ARHGAP8: variants seen among roughly 807,000 people sequenced by gnomAD.
ARHGAP8 encodes the protein rho GTPase-activating protein 8.
A neutral mutation model predicts 46.1 loss-of-function variants in ARHGAP8; 62 were observed. The observed-to-expected ratio is 1.34, with a 90% CI of 1.10 to 1.66. The LOEUF is 1.66. Among genes scored for constraint, ARHGAP8 ranks in the 40% most tolerant of loss-of-function variants. The pLI, the probability that ARHGAP8 is intolerant of heterozygous loss-of-function variation, is 0.00. For synonymous variants in ARHGAP8, 375 were observed against 243.1 expected (o/e 1.54, Z -5.05); for missense variants, 923 against 568.4 (o/e 1.62, Z -6.34).
chr22:44,834,304 T>C (rs1181591792), intron 7 of ARHGAP8, among the ~76,000 whole-genome samples: 1 of 152,182 alleles, frequency 6.6e-6, no homozygotes, highest in Non-Finnish European at 1.5e-5. Flanking sequence ...CTGCAATAGA[T>C]GTATCTGTTA....
At position 44,838,140 on chromosome 22, in the gene ARHGAP8, A is replaced by ATTTTTTTTTTTTTTTTTT. The variant is rs61131873; in HGVS notation, c.597-7115_597-7114insTTTTTTTTTTTTTTTTTT. 1.2e-3 allele frequency among the ~76,000 whole-genome samples: 175 copies of ATTTTTTTTTTTTTTTTTT among 143,474 alleles called. 1 individual carries two copies. Among genetic ancestry groups the ATTTTTTTTTTTTTTTTTT allele is most frequent in the African/African-American group, 4.4e-3 (170 of 38,666 alleles). 94.1% of individuals were successfully genotyped at this position (143,474 alleles called of 152,430 possible). On this transcript the variant is annotated intron_variant, in intron 7 of 11. Transcript: ENST00000356099. ...AGGAGTGCGCCACCATGCCTGGCTA[A>ATTTTTTTTTTTTTTTTTT]TTTTTTTTTTTTTTGAAGACGGAGT...
Position 44,854,089 on chromosome 22 carries a change from T to C in ARHGAP8, c.877+5029T>C, listed in dbSNP as rs192036756. 2.1e-5 allele frequency among the ~76,000 whole-genome samples: 3 copies of C among 145,244 alleles called. No homozygotes were observed. In the East Asian group the frequency reaches 6.0e-4, roughly 29 times the overall value. On this transcript the variant is annotated intron_variant, in intron 10 of 11. Coordinates refer to ENST00000356099, the MANE Select transcript of ARHGAP8 (RefSeq NM_181335.3). Reference sequence around the variant, plus strand: ...CATCAGACTTTGCCTGCAGTATCTGTAGATTTGAGAGAATTCCTCTCTTCT... The same window carrying C: ...CATCAGACTTTGCCTGCAGTATCTGCAGATTTGAGAGAATTCCTCTCTTCT...
chr22:44,801,050 A>G lies in ARHGAP8; in HGVS notation c.80-1027A>G, dbSNP rs574397618. On this transcript the variant is annotated intron_variant, in intron 2 of 11. Transcript: ENST00000356099. ...CCTCTCCCCGCAGCTGTGTGGGGGC[A>G]CCTCTCCCCGCAGCTGTCCATGTGT... 3.0e-3 allele frequency among the ~76,000 whole-genome samples: 110 copies of G among 37,076 alleles called. 19 individuals carry two copies. Among genetic ancestry groups the G allele is most frequent in the Non-Finnish European group, 4.0e-3 (79 of 19,564 alleles). The allele number at this position is 37,076 out of a possible 152,430, so 24.3% of individuals were successfully genotyped here. A position where few individuals can be genotyped will look rare whatever the true frequency, so the allele number is the denominator to read the frequency against.
At chr22:44,842,705 G>T (rs1424181201) in intron 7 of ARHGAP8, among the ~76,000 whole-genome samples, 2 of 152,226 alleles carry the variant, frequency 1.3e-5, no homozygotes, top group South Asian at 2.1e-4. Context: ...TGGCTTCCTT[G>T]GGGGCCACCA....
intron 7 of ARHGAP8, among the ~76,000 whole-genome samples, chr22:44,837,291 G>C (rs1824106843): frequency 1.3e-5 from 2 of 152,204 alleles, no homozygotes; most frequent in Admixed American, 6.5e-5. Context: ...CTCCCGAGGG[G>C]AGGGGTACAA....
intron 4 of ARHGAP8, among the ~76,000 whole-genome samples, chr22:44,813,161 G>T (rs188371414): frequency 1.3e-5 from 2 of 152,070 alleles, no homozygotes; most frequent in African/African-American, 2.4e-5. Flanking sequence ...CTGGACAAGC[G>T]GAGTGCTTGT....
At chr22:44,860,009 G>A (rs556169227) in intron 11 of ARHGAP8, among the ~76,000 whole-genome samples, 175 bp downstream of exon 11, 1 of 110,554 alleles carries the variant, frequency 9.0e-6, no homozygotes, top group East Asian at 3.0e-4. Flanking sequence ...AGGCACCCAT[G>A]CTGCTGCGGA....
At chr22:44,856,421 C>T (rs1284054203) in intron 10 of ARHGAP8, among the ~76,000 whole-genome samples, 1 of 151,920 alleles carries the variant, frequency 6.6e-6, no homozygotes, top group African/African-American at 2.4e-5. Flanking sequence ...TTACAGGCAC[C>T]CGCCACCACG....
chr22:44,789,571 C>T (rs1448538148), intron 2 of ARHGAP8, among the ~76,000 whole-genome samples: 1 of 152,152 alleles, frequency 6.6e-6, no homozygotes, highest in Non-Finnish European at 1.5e-5. Context: ...TGTCTCGGCT[C>T]ACTACAGCCT....
intron 10 of ARHGAP8, among the ~76,000 whole-genome samples, chr22:44,853,949 C>T (rs563345623): frequency 1.1e-4 from 16 of 143,608 alleles, no homozygotes; most frequent in Admixed American, 5.9e-4. Flanking sequence ...ATCGCTTGAA[C>T]CCGGGAGGCA....
intron 11 of ARHGAP8, among the ~76,000 whole-genome samples, chr22:44,861,487 C>T (rs1028400276): frequency 3.3e-5 from 5 of 152,140 alleles, no homozygotes; most frequent in African/African-American, 1.2e-4. Context: ...GCCTGAAAGG[C>T]ATCCAGCCAT....
chr22:44,856,900 C>T lies in ARHGAP8; in HGVS notation c.878-2831C>T, dbSNP rs1052150837. On this transcript the variant is annotated intron_variant, in intron 10 of 11. Transcript: ENST00000356099. ...GAGACTTTGACCACCCTCACACAGT[C>T]GCGCTGCAGACAGAAATCTGGGAGG... is the stretch of plus-strand genomic sequence containing the variant. Among the ~76,000 whole-genome samples the T allele has an allele frequency of 4.9e-5, 7 of 142,974 alleles. 1 individual carries two copies. The highest frequency in any genetic ancestry group is 1.1e-4 in the Non-Finnish European group (7 of 66,578). The allele number at this position is 142,974 out of a possible 152,430, so 93.8% of individuals were successfully genotyped here.
rs1368207421 is a variant in ARHGAP8, at chr22:44,816,739, A to G, written c.386+1981A>G. Among the ~76,000 whole-genome samples, 3 of 148,034 alleles carry G rather than the reference A, an allele frequency of 2.0e-5. No individual in the cohort carries two copies. The East Asian group carries it at 6.0e-4, about 30-fold the overall frequency. ...AGGATTGCTTGAGTCCAGGACTTCA[A>G]GGCTGCAGTGGCTTGTGTTTGTGCC... On this transcript the variant is annotated intron_variant, in intron 5 of 11. Coordinates refer to ENST00000356099, the MANE Select transcript of ARHGAP8 (RefSeq NM_181335.3).
chr22:44,753,650 G>A (rs1310266375), intron 1 of ARHGAP8, among the ~76,000 whole-genome samples: 1 of 152,144 alleles, frequency 6.6e-6, no homozygotes, highest in African/African-American at 2.4e-5. Flanking sequence ...CTCGGGCTCT[G>A]CCACACCCTG....
intron 10 of ARHGAP8, among the ~76,000 whole-genome samples, chr22:44,852,061 G>T (rs1273370804): frequency 6.6e-6 from 1 of 151,362 alleles, no homozygotes; most frequent in Non-Finnish European, 1.5e-5. Context: ...CGTGGTGGTG[G>T]ACACCTGTAA....
intron 7 of ARHGAP8, among the ~76,000 whole-genome samples, chr22:44,837,775 TG>T (rs1386470262): frequency 6.6e-6 from 1 of 152,108 alleles, no homozygotes; most frequent in African/African-American, 2.4e-5. Context: ...GCCGGGGCCC[TG>T]TTCTTCCGCT....
chr22:44,770,231 G>C (rs978073771), intron 1 of ARHGAP8, among the ~76,000 whole-genome samples: 1 of 151,858 alleles, frequency 6.6e-6, no homozygotes, highest in African/African-American at 2.4e-5. Context: ...GCAACAGAGC[G>C]AGACTCCATC....
intron 10 of ARHGAP8, among the ~76,000 whole-genome samples, chr22:44,858,769 C>T (rs1316560107): frequency 1.4e-5 from 2 of 147,942 alleles, no homozygotes; most frequent in East Asian, 1.9e-4. Flanking sequence ...TTGCATCAGG[C>T]CCCTGGAGGG....
intron 3 of ARHGAP8, among the ~76,000 whole-genome samples, chr22:44,804,480 T>A (rs1466737358): frequency 6.6e-6 from 1 of 152,194 alleles, no homozygotes; most frequent in African/African-American, 2.4e-5. Flanking sequence ...ATGAACTGAT[T>A]GAGCTTCATT....
Sources: allele counts gnomAD v4.1 joint callset (sites outside exome capture counted in the v4.1 genomes callset), GRCh38; gene constraint gnomAD v4.1.1; transcripts MANE v1.5; gene names NCBI Gene and HGNC (gene_info 2026-07-23, HGNC 2026-07-21).